The following HEMK2 variants were observed in gnomAD, a reference collection of about 807,000 sequenced individuals.
HEMK2 encodes the protein HemK methyltransferase 2, ETF1 glutamine and histone H4 lysine, also known as methyltransferase HEMK2.
chr21:28,636,246 T>G, the HEMK2 span, among the ~76,000 whole-genome samples: 8 of 152,180 alleles, frequency 5.3e-5, no homozygotes, highest in Admixed American at 5.2e-4. Context: ...TGCCTACTTG[T>G]TGTACTTGCT....
At chr21:28,732,701 A>G in the HEMK2 span, among the ~76,000 whole-genome samples, 56 of 152,362 alleles carry the variant, frequency 3.7e-4, no homozygotes, top group African/African-American at 1.3e-3. Context: ...AGGAGACGAC[A>G]GAAAGGATCA....
chr21:28,734,486 T>G, the HEMK2 span, among the ~76,000 whole-genome samples: 1 of 152,242 alleles, frequency 6.6e-6, no homozygotes, highest in African/African-American at 2.4e-5. Flanking sequence ...TAATTTACCC[T>G]GAGCTCCTGA....
the HEMK2 span, among the ~76,000 whole-genome samples, chr21:28,600,795 G>A: frequency 6.6e-6 from 1 of 151,912 alleles, no homozygotes; most frequent in Non-Finnish European, 1.5e-5. Flanking sequence ...AATTTCTTCC[G>A]CCAGATACCC....
the HEMK2 span, among the ~76,000 whole-genome samples, chr21:28,776,870 T>C: frequency 5.3e-5 from 8 of 152,304 alleles, no homozygotes; most frequent in East Asian, 7.7e-4. Context: ...CTAGCTGCTC[T>C]GGCAGCTGAT....
the HEMK2 span, among the ~76,000 whole-genome samples, chr21:28,669,403 C>T: frequency 6.6e-6 from 1 of 151,978 alleles, no homozygotes; most frequent in Admixed American, 6.6e-5. Context: ...ATGTTGGCTC[C>T]CAATTATTTC....
chr21:28,655,595 C>T, the HEMK2 span, among the ~76,000 whole-genome samples: 1 of 152,008 alleles, frequency 6.6e-6, no homozygotes. Context: ...ATTTAAACCA[C>T]TGTGTGACCT....
At chr21:28,650,411 T>C in the HEMK2 span, among the ~76,000 whole-genome samples, 7 of 151,502 alleles carry the variant, frequency 4.6e-5, no homozygotes, top group East Asian at 7.8e-4. Context: ...AAAAATGCCA[T>C]GGTCCGTTTA....
At chr21:28,729,599 G>A in the HEMK2 span, among the ~76,000 whole-genome samples, 72,083 of 147,392 alleles carry the variant, frequency 0.49, 19,807 homozygotes, top group East Asian at 0.78. Context: ...TGAGCCACAC[G>A]TACAATACAC....
the HEMK2 span, among the ~76,000 whole-genome samples, chr21:28,584,080 C>A: frequency 1.3e-5 from 2 of 152,170 alleles, no homozygotes; most frequent in African/African-American, 4.8e-5. Context: ...CTAACCTGTA[C>A]TGAAAAACTC....
At chr21:28,750,258 C>G in the HEMK2 span, among the ~76,000 whole-genome samples, 1 of 152,080 alleles carries the variant, frequency 6.6e-6, no homozygotes, top group African/African-American at 2.4e-5. Context: ...AATTAGGTTC[C>G]CTCATCATAT....
chr21:28,884,021 C>T, the HEMK2 span, among the ~76,000 whole-genome samples: 1 of 152,180 alleles, frequency 6.6e-6, no homozygotes, highest in South Asian at 2.1e-4. Context: ...AGGTTTTAAA[C>T]TTTTGGAACC....
chr21:28,835,518 A>T, the HEMK2 span, among the ~76,000 whole-genome samples: 1 of 152,166 alleles, frequency 6.6e-6, no homozygotes, highest in Non-Finnish European at 1.5e-5. Context: ...TCCCTTTGAC[A>T]GAGCCTACCC....
At chr21:28,828,183 C>T in the HEMK2 span, among the ~76,000 whole-genome samples, 1 of 152,052 alleles carries the variant, frequency 6.6e-6, no homozygotes, top group African/African-American at 2.4e-5. Context: ...ACCCACAAAG[C>T]CTGCAGACTA....
chr21:28,775,800 G>A, the HEMK2 span, among the ~76,000 whole-genome samples: 3 of 152,120 alleles, frequency 2.0e-5, no homozygotes. Flanking sequence ...TGGTGAGTGA[G>A]AGAGAAGAAA....
the HEMK2 span, among the ~76,000 whole-genome samples, chr21:28,716,179 T>C: frequency 1.3e-5 from 2 of 152,184 alleles, no homozygotes; most frequent in African/African-American, 2.4e-5. Flanking sequence ...AAAATTATGT[T>C]GATAGTTTGA....
chr21:28,594,272 G>T, the HEMK2 span, among the ~76,000 whole-genome samples: 13 of 152,148 alleles, frequency 8.5e-5, no homozygotes, highest in Admixed American at 7.2e-4. Flanking sequence ...GTGATATCAT[G>T]TATGAAATTC....
At chr21:28,670,705 T>C in the HEMK2 span, among the ~76,000 whole-genome samples, 6 of 152,228 alleles carry the variant, frequency 3.9e-5, no homozygotes, top group African/African-American at 1.4e-4. Flanking sequence ...AGAGGTTTAA[T>C]TGACTCACAG....
At chr21:28,625,908 G>A in the HEMK2 span, among the ~76,000 whole-genome samples, 3 of 151,790 alleles carry the variant, frequency 2.0e-5, no homozygotes, top group Admixed American at 6.6e-5. Flanking sequence ...GTAAAAGAAA[G>A]GATTTAAAAA....
At chr21:28,597,382 C>G in the HEMK2 span, among the ~76,000 whole-genome samples, 5 of 152,306 alleles carry the variant, frequency 3.3e-5, no homozygotes, top group African/African-American at 1.2e-4. Context: ...GGTGAGTGAG[C>G]ACCATTGTAG....
Sources: gnomAD v4.1 joint callset for allele counts (sites outside exome capture counted in the v4.1 genomes callset) on GRCh38, gnomAD v4.1.1 for gene constraint, MANE v1.5 for transcripts, NCBI Gene and HGNC (gene_info 2026-07-23, HGNC 2026-07-21) for gene names.